Variants in TNFRSF10A observed in about 807,000 individuals in gnomAD.
TNFRSF10A encodes the protein TNF receptor superfamily member 10a.
TNFRSF10A carries 44 observed loss-of-function variants against 42.8 expected under a neutral mutation model. The observed-to-expected ratio is 1.03, with a 90% CI of 0.81 to 1.32. The LOEUF (loss-of-function observed/expected upper bound fraction) is 1.32. Ranked by LOEUF, TNFRSF10A falls within the 40% of genes most tolerant of loss-of-function variation. The pLI, the probability that TNFRSF10A is intolerant of heterozygous loss-of-function variation, is 0.00. For synonymous variants in TNFRSF10A, 259 were observed against 234.2 expected (o/e 1.11, Z -0.97); for missense variants, 680 against 602.0 (o/e 1.13, Z -1.36).
At chr8:23,195,476 C>T (rs992027889) in intron 9 of TNFRSF10A, among the ~76,000 whole-genome samples, 1 of 152,180 alleles carries the variant, frequency 6.6e-6, no homozygotes, top group African/African-American at 2.4e-5. Flanking sequence ...ACTATTAATT[C>T]ATGGCAATGT....
intron 9 of TNFRSF10A, among the ~76,000 whole-genome samples, chr8:23,194,624 T>C (rs184959997): frequency 2.0e-5 from 3 of 152,314 alleles, no homozygotes; most frequent in African/African-American, 7.2e-5. Context: ...ATATTTAACT[T>C]TGAAGCTCTT....
At chr8:23,221,237 C>A (rs1175632398) in intron 1 of TNFRSF10A, among the ~76,000 whole-genome samples, 1 of 152,192 alleles carries the variant, frequency 6.6e-6, no homozygotes, top group Non-Finnish European at 1.5e-5. Context: ...CACACATCTG[C>A]CAACACAGAC....
At position 23,224,996 on chromosome 8, in the gene TNFRSF10A, G is replaced by A; in HGVS notation, c.66C>T (p.Ser22=). 6.3e-7 allele frequency: 1 copy of A among 1,590,674 alleles called. No homozygotes were observed. The highest frequency in any genetic ancestry group is 8.6e-7 in the Non-Finnish European group (1 of 1,167,400). ...AFLAVTPNPG[S]AASGTEAAAA... ...CGGCTGCCTCTGTCCCACTCGCTGC[G>A]CTCCCGGGATTCGGAGTCACTGCCA... Residue 22 remains serine, a synonymous_variant, in exon 1 of 10, where the codon AGC becomes AGT. Coordinates refer to ENST00000221132, the MANE Select transcript of TNFRSF10A (RefSeq NM_003844.4).
At chr8:23,207,235 T>G in intron 2 of TNFRSF10A, 9 of 598,084 alleles carry the variant, frequency 1.5e-5, no homozygotes, top group South Asian at 1.2e-4. Context: ...AAACAGGTTG[T>G]GAAGAAGCTC....
rs1169854819 is a variant in TNFRSF10A at position 23,191,888 on chromosome 8, C to T, written c.1213G>A (p.Gly405Arg). 9.9e-6 allele frequency: 16 copies of T among 1,614,078 alleles called. No homozygotes were observed. Among genetic ancestry groups the T allele is most frequent in the Non-Finnish European group, 1.4e-5 (16 of 1,180,038 alleles). ...DVVRAGTAGP[G>R]DALYAMLMKW... is the part of the protein sequence containing the mutation. ...ATCAGCATTGCATACAAGGCATCCC[C>T]TGGGCCTGCTGTACCAGCTCTGACC... The change falls in exon 10 of 10, where the codon GGG becomes AGG. Residue 405 changes from glycine (G) to arginine (R), a missense_variant. Gly to Arg is a moderately radical substitution (Grantham distance 125). Transcript: ENST00000221132.
Position 23,190,696 on chromosome 8 carries a change from C to A in TNFRSF10A, c.*998G>T, listed in dbSNP as rs1400789615. The A allele has an allele frequency of 6.6e-6, 1 of 152,070 alleles. No individual in the cohort carries two copies. The highest frequency in any genetic ancestry group is 1.5e-5 in the Non-Finnish European group (1 of 68,018). 9.4% of individuals were successfully genotyped at this position (152,070 alleles called of 1,614,324 possible). A position where few individuals can be genotyped will look rare whatever the true frequency, so the allele number is the denominator to read the frequency against. ...GACTGAAATGTTGTGGGGTAAATGA[C>A]TATATATGAAATGGGACTTATTGGA... On this transcript the variant is annotated 3_prime_UTR_variant, in exon 10 of 10. Coordinates refer to ENST00000221132, the MANE Select transcript of TNFRSF10A (RefSeq NM_003844.4).
chr8:23,221,823 A>G (rs983251527), intron 1 of TNFRSF10A, among the ~76,000 whole-genome samples: 1 of 152,220 alleles, frequency 6.6e-6, no homozygotes, highest in African/African-American at 2.4e-5. Context: ...TTAGAGTAGC[A>G]AAGAATGAAA....
intron 1 of TNFRSF10A, among the ~76,000 whole-genome samples, chr8:23,214,467 G>A (rs1157030132): frequency 6.7e-6 from 1 of 148,890 alleles, no homozygotes; most frequent in African/African-American, 2.5e-5. Context: ...CAGCCTGGAC[G>A]ACAGAGCCAG....
intron 2 of TNFRSF10A, chr8:23,206,812 C>G (rs1282096795): frequency 6.4e-6 from 1 of 156,296 alleles, no homozygotes; most frequent in East Asian, 1.9e-4. Context: ...ACACAAACTA[C>G]TGAAACTGAA....
intron 2 of TNFRSF10A, among the ~76,000 whole-genome samples, chr8:23,210,930 T>C (rs1801084313): frequency 6.6e-6 from 1 of 152,164 alleles, no homozygotes. Context: ...CTCAACCTGA[T>C]AAAGAATATC....
chr8:23,212,791 T>C (rs563190558), intron 1 of TNFRSF10A, among the ~76,000 whole-genome samples: 20 of 152,352 alleles, frequency 1.3e-4, no homozygotes, highest in Non-Finnish European at 2.5e-4. Flanking sequence ...AGGCCACATA[T>C]GAAAAGCCAA....
rs1800891646 is a variant in TNFRSF10A at position 23,200,520 on chromosome 8, AACAG to A, written c.780_783del (p.Cys261ValfsTer39). On this transcript the variant is annotated frameshift_variant, in exon 6 of 10. Transcript: ENST00000221132. LOFTEE classifies it high-confidence loss of function. Reference sequence around the variant, plus strand: ...CAGCACCTACCTGAGCCGATGCAACAACAGACAATCAGCACAGCCACCAACAGCA... The same window carrying A: ...CAGCACCTACCTGAGCCGATGCAACAACAATCAGCACAGCCACCAACAGCA... 6.2e-7 allele frequency: 1 copy of A among 1,614,202 alleles called. No homozygotes were observed. Among genetic ancestry groups the A allele is most frequent in the Non-Finnish European group, 8.5e-7 (1 of 1,180,026 alleles).
At position 23,191,569 on chromosome 8, in the gene TNFRSF10A, G is replaced by C. The variant is rs1271312994; in HGVS notation, c.*125C>G. The C allele has an allele frequency of 1.6e-5, 22 of 1,368,924 alleles. No homozygotes were observed. The highest frequency in any genetic ancestry group is 1.9e-5 in the Non-Finnish European group (20 of 1,041,560). The allele number at this position is 1,368,924 out of a possible 1,614,324, so 84.8% of individuals were successfully genotyped here. A position where few individuals can be genotyped will look rare whatever the true frequency, so the allele number is the denominator to read the frequency against. ...CCCGCCTCAGCCTCCCAAAGTGCTG[G>C]GATTACAGGCATGAGCCACTACACC... On this transcript the variant is annotated 3_prime_UTR_variant, in exon 10 of 10. Coordinates refer to ENST00000221132, the MANE Select transcript of TNFRSF10A (RefSeq NM_003844.4).
intron 1 of TNFRSF10A, among the ~76,000 whole-genome samples, chr8:23,220,742 G>A (rs933389327): frequency 1.3e-5 from 2 of 152,200 alleles, no homozygotes; most frequent in Non-Finnish European, 2.9e-5. Context: ...AACAGCACAG[G>A]CTCAGGGCAT....
At chr8:23,218,628 T>C (rs1161459078) in intron 1 of TNFRSF10A, among the ~76,000 whole-genome samples, 1 of 150,304 alleles carries the variant, frequency 6.7e-6, no homozygotes, top group Non-Finnish European at 1.5e-5. Context: ...AAGAGGTGGC[T>C]TTACATGACT....
intron 3 of TNFRSF10A, 94 bp downstream of exon 3, chr8:23,202,554 G>T: frequency 1.1e-6 from 1 of 913,766 alleles, no homozygotes; most frequent in Non-Finnish European, 1.8e-6. Flanking sequence ...GACCAAGTTG[G>T]GCTGGAACTT....
At chr8:23,211,252 T>C (rs905876213) in intron 2 of TNFRSF10A, among the ~76,000 whole-genome samples, 1 of 152,188 alleles carries the variant, frequency 6.6e-6, no homozygotes, top group East Asian at 1.9e-4. Flanking sequence ...TATATTTGTA[T>C]ACACTCACAA....
chr8:23,220,207 A>C (rs1801238815), intron 1 of TNFRSF10A, among the ~76,000 whole-genome samples: 2 of 152,112 alleles, frequency 1.3e-5, no homozygotes, highest in African/African-American at 4.8e-5. Flanking sequence ...CAGGTCCCAA[A>C]TGCTGGGGAC....
At chr8:23,193,225 G>A (rs2128846147) in intron 9 of TNFRSF10A, among the ~76,000 whole-genome samples, 1 of 152,236 alleles carries the variant, frequency 6.6e-6, no homozygotes, top group Non-Finnish European at 1.5e-5. Context: ...TGGTTCCCTG[G>A]CTGGGAAAGT....
Sources: allele counts gnomAD v4.1 joint callset (sites outside exome capture counted in the v4.1 genomes callset), GRCh38; gene constraint gnomAD v4.1.1; transcripts MANE v1.5; gene names NCBI Gene and HGNC (gene_info 2026-07-23, HGNC 2026-07-21).